Variants in POLR1C observed in about 807,000 individuals in gnomAD.
POLR1C encodes DNA-directed RNA polymerases I and III subunit RPAC1.
In POLR1C, 42 loss-of-function variants were observed where a neutral mutation model predicts 38.3. That is an observed-to-expected ratio of 1.10 (90% CI 0.86 to 1.42). POLR1C has a LOEUF of 1.42. POLR1C is among the 40% of genes most tolerant of loss of function. The pLI, the probability that POLR1C is intolerant of heterozygous loss-of-function variation, is 0.00. For synonymous variants in POLR1C, 163 were observed against 163.9 expected, an observed-to-expected ratio of 0.99 and a Z score of 0.04; for missense variants, 507 against 450.5, an observed-to-expected ratio of 1.13 and a Z score of -1.14.
downstream of POLR1C, chr6:43,521,530 T>C (rs1793190092): frequency 8.2e-7 from 1 of 1,223,680 alleles, no homozygotes; most frequent in Middle Eastern, 3.4e-4. Context: ...GAGACTACTT[T>C]TGAGTTTGTT....
At position 43,556,108 on chromosome 6, in the gene POLR1C, T is replaced by G. The variant is rs1762071391; in HGVS notation, c.*48+5097T>G. On this transcript the variant is annotated intron_variant, in intron 10 of 10. Transcript: ENST00000607635. The stretch of plus-strand genomic sequence containing the variant: ...CTTGTGCTTTGCATGTAATAATCAC[T>G]CAATAAAACTTTATTAACGAATCCA... 4 of 1,086,368 alleles carry G rather than the reference T, an allele frequency of 3.7e-6. No individual in the cohort carries two copies. The East Asian group carries it at 1.0e-4, about 28-fold the overall frequency. The allele number at this position is 1,086,368 out of a possible 1,614,324, so 67.3% of individuals were successfully genotyped here.
chr6:43,541,909 C>G (rs1032122943), intron 9 of POLR1C, among the ~76,000 whole-genome samples: 3 of 152,130 alleles, frequency 2.0e-5, no homozygotes, highest in African/African-American at 7.2e-5. Context: ...TTTTGAGTAG[C>G]TGGGGTTACA....
At chr6:43,559,936 C>T (rs1310466714) in intron 10 of POLR1C, among the ~76,000 whole-genome samples, 1 of 152,168 alleles carries the variant, frequency 6.6e-6, no homozygotes, top group Non-Finnish European at 1.5e-5. Context: ...CCACCTTAAG[C>T]CTCCCCAGTA....
At chr6:43,525,644 C>T (rs1793537671), downstream of POLR1C, 1 of 595,884 alleles carries the variant, frequency 1.7e-6, no homozygotes, top group African/African-American at 1.9e-5. Context: ...CTGAGAGCTC[C>T]TGCCTATGCT....
chr6:43,548,044 G>A (rs1227772638), intron 9 of POLR1C, among the ~76,000 whole-genome samples: 2 of 152,124 alleles, frequency 1.3e-5, no homozygotes, highest in African/African-American at 4.8e-5. Flanking sequence ...GTGCTGCAAT[G>A]CAGACACCAC....
chr6:43,539,664 G>A, intron 9 of POLR1C: 1 of 1,085,134 alleles, frequency 9.2e-7, no homozygotes, highest in Non-Finnish European at 1.3e-6. Context: ...GGGCCACCAG[G>A]GCCTCCAGGC....
intron 8 of POLR1C, among the ~76,000 whole-genome samples, chr6:43,528,597 G>T (rs888256260): frequency 6.6e-6 from 1 of 152,144 alleles, no homozygotes; most frequent in African/African-American, 2.4e-5. Flanking sequence ...TTAACAGGAG[G>T]TTAGGAGCAG....
chr6:43,523,436 C>A, downstream of POLR1C: 1 of 336,892 alleles, frequency 3.0e-6, no homozygotes, highest in Non-Finnish European at 5.8e-6. Flanking sequence ...TTGGAGTGGT[C>A]CAAGAGAAAC....
exon 9 of POLR1C, chr6:43,529,378 TAAAAAAAAA>T (rs35493258): frequency 1.6e-5 from 2 of 121,832 alleles, no homozygotes; most frequent in Non-Finnish European, 3.0e-5. Context: ...CCGTCTCTAC[TAAAAAAAAA>T]AAAAAAAAAA....
Position 43,547,003 on chromosome 6 carries a change from C to T in POLR1C, c.*5-3965C>T, listed in dbSNP as rs146147949. On this transcript the variant is annotated intron_variant, in intron 9 of 10. Coordinates refer to the POLR1C transcript ENST00000607635. Reference sequence around the variant, plus strand: ...TTGCAGTAAGCTGTCTTTCTAGGAGCTGCAGTGACCCACCCACAGGACCCT... The same window carrying T: ...TTGCAGTAAGCTGTCTTTCTAGGAGTTGCAGTGACCCACCCACAGGACCCT... 1.2e-3 allele frequency among the ~76,000 whole-genome samples: 190 copies of T among 152,228 alleles called. 1 individual carries two copies. The highest frequency in any genetic ancestry group is 4.2e-3 in the African/African-American group (176 of 41,528).
At chr6:43,524,997 CAG>C (rs936936986), downstream of POLR1C, 4 of 1,608,680 alleles carry the variant, frequency 2.5e-6, no homozygotes, top group Non-Finnish European at 2.5e-6. Context: ...TTTAGGGCCA[CAG>C]GGGGCCTCTC....
chr6:43,537,707 A>ATT (rs1794422699), intron 9 of POLR1C, among the ~76,000 whole-genome samples: 1 of 152,210 alleles, frequency 6.6e-6, no homozygotes, highest in South Asian at 2.1e-4. Context: ...CAGAGATGCA[A>ATT]TCATCAAAAT....
At chr6:43,551,832 A>AT (rs1337685598) in intron 10 of POLR1C, among the ~76,000 whole-genome samples, 3 of 151,920 alleles carry the variant, frequency 2.0e-5, no homozygotes, top group African/African-American at 7.3e-5. Flanking sequence ...TGCCTGGCTA[A>AT]TTTTTTAAAT....
chr6:43,536,964 T>G (rs1207915089), intron 9 of POLR1C, among the ~76,000 whole-genome samples: 1 of 150,862 alleles, frequency 6.6e-6, no homozygotes, highest in Non-Finnish European at 1.5e-5. Flanking sequence ...TTGATTTTTG[T>G]TTTGTTTTTT....
At chr6:43,532,015 C>G (rs1381880989), downstream of POLR1C, among the ~76,000 whole-genome samples, 2 of 152,096 alleles carry the variant, frequency 1.3e-5, no homozygotes, top group Admixed American at 1.3e-4. Flanking sequence ...TAAGTGTAAT[C>G]AGAGGTTTTA....
At chr6:43,560,591 G>A (rs953548441) in intron 10 of POLR1C, among the ~76,000 whole-genome samples, 3 of 152,166 alleles carry the variant, frequency 2.0e-5, no homozygotes, top group Admixed American at 6.5e-5. Context: ...GGACAATTTT[G>A]AACAGAGTGA....
chr6:43,554,449 G>A (rs1413565136), intron 10 of POLR1C, among the ~76,000 whole-genome samples: 1 of 143,716 alleles, frequency 7.0e-6, no homozygotes, highest in Non-Finnish European at 1.5e-5. Context: ...TTTTTGAGAT[G>A]GAGTCCCGCT....
intron 8 of POLR1C, chr6:43,526,582 G>T: frequency 1.6e-6 from 2 of 1,276,694 alleles, no homozygotes; most frequent in East Asian, 2.5e-5. Context: ...CTACATGTAG[G>T]GTGTCTTCTC....
intron 10 of POLR1C, chr6:43,551,277 C>T: frequency 6.5e-7 from 1 of 1,536,514 alleles, no homozygotes; most frequent in Non-Finnish European, 8.7e-7. Context: ...ATAAAATTTA[C>T]AAAGGAGATG....
Sources: gnomAD v4.1 joint callset for allele counts (sites outside exome capture counted in the v4.1 genomes callset) on GRCh38, gnomAD v4.1.1 for gene constraint, MANE v1.5 for transcripts, NCBI Gene and HGNC (gene_info 2026-07-23, HGNC 2026-07-21) for gene names.